PERM1: variants seen among roughly 807,000 people sequenced by gnomAD.
PERM1 encodes PPARGC1 and ESRR induced regulator, muscle 1, also known as PGC-1 and ERR-induced regulator in muscle protein 1.
In PERM1, 45 loss-of-function variants were observed where a neutral mutation model predicts 44.1. The observed-to-expected ratio is 1.02, with a 90% CI of 0.80 to 1.31. PERM1 has a LOEUF of 1.31. Ranked by LOEUF, PERM1 falls within the 50% of genes most tolerant of loss-of-function variation. The probability of loss-of-function intolerance (pLI) is 0.00; values close to 1 mark genes in which losing one functional copy is unlikely to be tolerated. For synonymous variants in PERM1, 565 were observed against 477.1 expected (o/e 1.18, Z -2.40); for missense variants, 1,189 against 1,106.9 (o/e 1.07, Z -1.05).
At position 979,635 on chromosome 1, in the gene PERM1, A is replaced by T. The variant is rs371479260; in HGVS notation, c.1395T>A (p.Ala465=). The change falls in exon 1 of 3, where the codon GCT becomes GCA. Residue 465 remains alanine, a synonymous_variant. Coordinates refer to ENST00000433179, the Ensembl canonical transcript of PERM1. ...CCTCCATCTCCACCACATCAGGCCC[A>T]GCTCTGCGGGTGGGAGGCCAGGCGA... 108 of 1,550,258 alleles carry T rather than the reference A, an allele frequency of 7.0e-5. No individual in the cohort carries two copies. The East Asian group carries it at 2.2e-3, about 32-fold the overall frequency.
chr1:976,552 G>A (rs1479789086), exon 2 of PERM1: 4 of 1,549,596 alleles, frequency 2.6e-6, no homozygotes, highest in Non-Finnish European at 1.7e-6. Flanking sequence ...AGCCCAGGTG[G>A]CAAAAGCTAC....
chr1:980,775 G>C (rs1643775531), exon 1 of PERM1: 3 of 1,402,886 alleles, frequency 2.1e-6, no homozygotes, highest in East Asian at 2.7e-5. Context: ...GAGACCTGCT[G>C]ACCGGCTGCT....
upstream of PERM1, among the ~76,000 whole-genome samples, chr1:981,580 G>C (rs773840397): frequency 1.3e-5 from 2 of 152,234 alleles, no homozygotes; most frequent in African/African-American, 2.4e-5. Flanking sequence ...GGCCCAGCAG[G>C]TGCCCAGCCC....
At chr1:979,706 T>A in exon 1 of PERM1, 1 of 1,550,180 alleles carries the variant, frequency 6.5e-7, no homozygotes, top group East Asian at 2.4e-5. Context: ...ACAAGCCCGC[T>A]GGACTCGGTC....
exon 1 of PERM1, chr1:980,778 C>T (rs935338135): frequency 1.1e-5 from 15 of 1,400,576 alleles, no homozygotes; most frequent in Admixed American, 3.4e-5. Context: ...ACCTGCTGAC[C>T]GGCTGCTGTG....
At chr1:981,974 G>A (rs896598604), upstream of PERM1, 151 of 1,115,820 alleles carry the variant, frequency 1.4e-4, no homozygotes, top group African/African-American at 2.6e-4. Flanking sequence ...ACTGACCTTC[G>A]CCCTCCTCTC....
intron 1 of PERM1, 23 bp from the exon 3 acceptor site, chr1:976,647 GC>G: frequency 6.5e-7 from 1 of 1,548,416 alleles, no homozygotes; most frequent in East Asian, 2.4e-5. Context: ...CTCACCTTCA[GC>G]CCCACGGCTG....
At chr1:981,892 A>T, upstream of PERM1, 1 of 254,040 alleles carries the variant, frequency 3.9e-6, no homozygotes, top group Non-Finnish European at 6.2e-6. Flanking sequence ...GCCCCTCTGG[A>T]CCCAGGGGTG....
chr1:979,643 G>A (rs748636517), exon 1 of PERM1: 42 of 1,550,140 alleles, frequency 2.7e-5, no homozygotes, highest in South Asian at 1.1e-4. Context: ...CCAGCTCTGC[G>A]GGTGGGAGGC....
At chr1:981,631 TTC>T (rs1283034164), upstream of PERM1, among the ~76,000 whole-genome samples, 1 of 152,246 alleles carries the variant, frequency 6.6e-6, no homozygotes, top group African/African-American at 2.4e-5. Context: ...GGCCAGGCTA[TTC>T]TCTGAGCTCA....
intron 1 of PERM1, 26 bp from the exon 3 acceptor site, chr1:976,650 C>T (rs1263859789): frequency 1.3e-6 from 2 of 1,548,750 alleles, no homozygotes; most frequent in Non-Finnish European, 1.7e-6. Flanking sequence ...ACCTTCAGCC[C>T]CACGGCTGCA....
At chr1:975,864 T>C in exon 3 of PERM1, 2 of 379,186 alleles carry the variant, frequency 5.3e-6, no homozygotes, top group East Asian at 9.5e-5. Flanking sequence ...ACCTCCCCAC[T>C]ATTGCCTGTC....
Position 980,704 on chromosome 1 carries a change from GC to G in PERM1, c.325del (p.Ala109GlnfsTer111). 1.4e-6 allele frequency: 2 copies of G among 1,422,866 alleles called. No individual in the cohort carries two copies. Among genetic ancestry groups the G allele is most frequent in the South Asian group, 1.6e-5 (1 of 63,212 alleles). The allele number at this position is 1,422,866 out of a possible 1,614,324, so 88.1% of individuals were successfully genotyped here. ...GGGGCCGAGGGACGGTGGAGCTTCT[GC>G]CCGTGCGGACGTGCTGGGTGTCTGC... On this transcript the variant is annotated frameshift_variant, in exon 1 of 3. Coordinates refer to ENST00000433179, the Ensembl canonical transcript of PERM1. LOFTEE classifies it high-confidence loss of function.
rs141461384 is a variant in PERM1 at position 975,749 on chromosome 1, G to A, written c.*423C>T. 134 of 171,854 alleles carry A rather than the reference G, an allele frequency of 7.8e-4. 2 individuals carry two copies. In the East Asian group the frequency reaches 8.4e-3, roughly 11 times the overall value. 10.6% of individuals were successfully genotyped at this position (171,854 alleles called of 1,614,324 possible). A position where few individuals can be genotyped will look rare whatever the true frequency, so the allele number is the denominator to read the frequency against. On this transcript the variant is annotated 3_prime_UTR_variant, in exon 3 of 3. Transcript: ENST00000433179. ...AGTGTCTTGCTGCTCAGACCCCTCC[G>A]AGGTCCAAGTCCTGTCCTGCCACTC...
At chr1:980,818 C>T (rs982888289) in exon 1 of PERM1, 10 of 1,397,724 alleles carry the variant, frequency 7.2e-6, no homozygotes, top group African/African-American at 4.4e-5. Context: ...GCAGCCCCGC[C>T]GGCTCCGCCC....
At chr1:981,096 C>T (rs1324948813), upstream of PERM1, 1 of 1,548,466 alleles carries the variant, frequency 6.5e-7, no homozygotes, top group African/African-American at 1.4e-5. Context: ...GGTTCAGGCC[C>T]CGGGCACCAC....
At chr1:979,043 A>G (rs1409797034) in exon 1 of PERM1, 3 of 1,541,450 alleles carry the variant, frequency 1.9e-6, no homozygotes, top group South Asian at 1.2e-5. Context: ...CCGAAGAAGA[A>G]GTGTTCATAG....
intron 2 of PERM1, 103 bp downstream of exon 3, chr1:976,396 C>T: frequency 6.6e-7 from 1 of 1,517,314 alleles, no homozygotes; most frequent in South Asian, 1.2e-5. Context: ...CTGGGGGGAG[C>T]AGGTCAGGGG....
At chr1:981,233 G>A (rs1643786850), upstream of PERM1, 2 of 1,498,942 alleles carry the variant, frequency 1.3e-6, no homozygotes, top group Admixed American at 4.7e-5. Context: ...ACCTAGTGGT[G>A]ACGATTTCCA....
Sources: gnomAD v4.1 joint callset for allele counts (sites outside exome capture counted in the v4.1 genomes callset) on GRCh38, gnomAD v4.1.1 for gene constraint, MANE v1.5 for transcripts, NCBI Gene and HGNC (gene_info 2026-07-23, HGNC 2026-07-21) for gene names.